Variants in SIPA1L2 observed in about 807,000 individuals in gnomAD.
SIPA1L2 encodes signal induced proliferation associated 1 like 2.
In SIPA1L2, 56 loss-of-function variants were observed where a neutral mutation model predicts 163.9. The ratio of observed to expected loss-of-function variants is 0.34; its 90% CI spans 0.28 to 0.43. SIPA1L2 has a LOEUF of 0.43. Among genes scored for constraint, SIPA1L2 ranks in the 20% least tolerant of loss-of-function variants. The pLI, the probability that SIPA1L2 is intolerant of heterozygous loss-of-function variation, is 1.00. For missense variants in SIPA1L2, 1,974 were observed against 2,193.5 expected (o/e 0.90, Z 2.00); for synonymous variants, 877 against 865.7 (o/e 1.01, Z -0.23).
At chr1:232,488,597 C>A (rs985898646) in intron 5 of SIPA1L2, among the ~76,000 whole-genome samples, 3 of 152,100 alleles carry the variant, frequency 2.0e-5, no homozygotes, top group South Asian at 2.1e-4. Context: ...ATACCAAAGT[C>A]AAACAAATAT....
intron 2 of SIPA1L2, among the ~76,000 whole-genome samples, chr1:232,539,243 T>C (rs1462567352): frequency 4.6e-5 from 7 of 152,224 alleles, no homozygotes; most frequent in South Asian, 2.1e-4. Context: ...TATCTAGGGC[T>C]TCTTGGTAAC....
intron 1 of SIPA1L2, among the ~76,000 whole-genome samples, chr1:232,592,978 T>C (rs1033831468): frequency 6.6e-6 from 1 of 152,140 alleles, no homozygotes; most frequent in Non-Finnish European, 1.5e-5. Context: ...GTTTTAATAG[T>C]GGTGCAGGTG....
At chr1:232,441,719 G>C (rs779829367) in intron 13 of SIPA1L2, 49 bp downstream of exon 13, 2 of 1,461,228 alleles carry the variant, frequency 1.4e-6, no homozygotes, top group Non-Finnish European at 9.6e-7. Context: ...GGGGCAGAGA[G>C]GGGGAAAGGG....
chr1:232,615,275 G>T (rs949867052), intron 1 of SIPA1L2, among the ~76,000 whole-genome samples: 6 of 152,188 alleles, frequency 3.9e-5, no homozygotes, highest in Non-Finnish European at 8.8e-5. Context: ...TCTCCAAAGT[G>T]GCCACTAAAA....
rs776287842 is a variant in SIPA1L2 at position 232,513,926 on chromosome 1, C to A, written c.1414G>T (p.Val472Leu). 5 of 1,613,906 alleles carry A rather than the reference C, an allele frequency of 3.1e-6. No homozygotes were observed. Among genetic ancestry groups the A allele is most frequent in the Non-Finnish European group, 4.2e-6 (5 of 1,179,900 alleles). Residue 472 changes from valine (V) to leucine (L), a missense_variant, in exon 3 of 23, where the codon GTG (valine) becomes TTG (leucine). Around this residue, in one of 3 missense-constraint regions of SIPA1L2, gnomAD observed 607 missense variants for 624.0 expected, o/e 0.97. Transcript: ENST00000674635. ...ATGTGTTCTATGATGTAGCGCTTCACTTTCTCCCTGTGAATAGGCTGGTTT... is the reference window on the plus strand; with the variant it reads ...ATGTGTTCTATGATGTAGCGCTTCAATTTCTCCCTGTGAATAGGCTGGTTT... ...RENQPIHREKVKRYIIEHIDL... is the reference protein window; with the variant it reads ...RENQPIHREKLKRYIIEHIDL...
intron 2 of SIPA1L2, among the ~76,000 whole-genome samples, chr1:232,522,833 G>A (rs1667519815): frequency 6.6e-6 from 1 of 152,172 alleles, no homozygotes; most frequent in African/African-American, 2.4e-5. Context: ...TTGAAATTAA[G>A]CAAATGAATG....
chr1:232,619,334 G>A (rs755410457), intron 1 of SIPA1L2, among the ~76,000 whole-genome samples: 5 of 152,122 alleles, frequency 3.3e-5, no homozygotes, highest in Non-Finnish European at 7.4e-5. Context: ...AAGCTGTAGC[G>A]CCCATCTATC....
intron 10 of SIPA1L2, among the ~76,000 whole-genome samples, chr1:232,458,948 T>C (rs1426741510): frequency 2.6e-5 from 4 of 152,180 alleles, no homozygotes; most frequent in Non-Finnish European, 4.4e-5. Flanking sequence ...GGCAAGGCAA[T>C]AAGAAACATC....
chr1:232,479,547 C>A, intron 7 of SIPA1L2, 80 bp downstream of exon 7: 1 of 1,081,404 alleles, frequency 9.2e-7, no homozygotes, highest in Admixed American at 1.7e-5. Flanking sequence ...TTTGCAAGTT[C>A]TACATGCATC....
chr1:232,598,404 T>A (rs566935623), intron 1 of SIPA1L2, among the ~76,000 whole-genome samples: 5 of 152,168 alleles, frequency 3.3e-5, no homozygotes, highest in African/African-American at 1.2e-4. Context: ...AATGAAACCC[T>A]CTCTCTAAAA....
intron 3 of SIPA1L2, among the ~76,000 whole-genome samples, chr1:232,510,203 T>G (rs552323635): frequency 6.6e-6 from 1 of 151,014 alleles, no homozygotes; most frequent in East Asian, 1.9e-4. Context: ...TCAGTAATGG[T>G]GCTGGGACAT....
At chr1:232,532,322 C>G (rs995216853) in intron 2 of SIPA1L2, among the ~76,000 whole-genome samples, 1 of 152,092 alleles carries the variant, frequency 6.6e-6, no homozygotes, top group African/African-American at 2.4e-5. Context: ...TGAAGTTGAC[C>G]TTTATTAAGA....
intron 12 of SIPA1L2, 121 bp from the exon 13 acceptor site, chr1:232,441,989 T>C (rs1400342326): frequency 2.7e-6 from 2 of 741,198 alleles, no homozygotes; most frequent in Non-Finnish European, 4.3e-6. Flanking sequence ...GAGCTGGTTT[T>C]CTGGCAAATG....
chr1:232,467,086 G>T (rs1016178842), intron 8 of SIPA1L2, among the ~76,000 whole-genome samples: 1 of 152,214 alleles, frequency 6.6e-6, no homozygotes, highest in African/African-American at 2.4e-5. Context: ...CTTCTGAAAT[G>T]TGGTTGGTTA....
At chr1:232,453,873 T>C (rs1295239203) in intron 10 of SIPA1L2, among the ~76,000 whole-genome samples, 3 of 152,224 alleles carry the variant, frequency 2.0e-5, no homozygotes, top group Non-Finnish European at 2.9e-5. Context: ...AATTAAATGT[T>C]TTTTTAATAT....
At chr1:232,429,823 A>C (rs1439602214) in intron 16 of SIPA1L2, among the ~76,000 whole-genome samples, 1 of 152,210 alleles carries the variant, frequency 6.6e-6, no homozygotes, top group African/African-American at 2.4e-5. Flanking sequence ...GAGGTGAGTT[A>C]GGTGGTGCTC....
intron 1 of SIPA1L2, among the ~76,000 whole-genome samples, chr1:232,576,671 G>C (rs1391379473): frequency 6.6e-6 from 1 of 152,212 alleles, no homozygotes; most frequent in Non-Finnish European, 1.5e-5. Flanking sequence ...CAGGCCGAAA[G>C]CTAAGCCTCT....
intron 2 of SIPA1L2, among the ~76,000 whole-genome samples, chr1:232,571,144 C>T (rs753754016): frequency 6.6e-6 from 1 of 152,120 alleles, no homozygotes. Context: ...AATATCAGTA[C>T]ATGTAAAACT....
At chr1:232,417,250 T>C (rs2102785546) in intron 18 of SIPA1L2, among the ~76,000 whole-genome samples, 1 of 152,286 alleles carries the variant, frequency 6.6e-6, no homozygotes, top group Admixed American at 6.5e-5. Flanking sequence ...CAAATGCAGC[T>C]CTTACCAGAT....
Sources: gnomAD v4.1 joint callset for allele counts (sites outside exome capture counted in the v4.1 genomes callset) on GRCh38, gnomAD v4.1.1 for gene constraint, gnomAD v4.1.1 regional missense constraint, MANE v1.5 for transcripts, NCBI Gene and HGNC (gene_info 2026-07-23, HGNC 2026-07-21) for gene names.